Variants in PIGK observed in about 807,000 individuals in gnomAD.
The protein encoded by PIGK is phosphatidylinositol glycan anchor biosynthesis class K, also known as GPI-anchor transamidase.
A neutral mutation model predicts 50.6 loss-of-function variants in PIGK; 42 were observed. That is an observed-to-expected ratio of 0.83 (90% CI 0.65 to 1.07). The LOEUF (loss-of-function observed/expected upper bound fraction) is 1.07, where lower values mean the gene tolerates loss of function less well. Among genes scored for constraint, PIGK ranks in the 50% least tolerant of loss-of-function variants. PIGK has a pLI of 0.00. For missense variants in PIGK, 448 were observed against 488.7 expected, an observed-to-expected ratio of 0.92 and a Z score of 0.78; for synonymous variants, 151 against 156.0, an observed-to-expected ratio of 0.97 and a Z score of 0.24.
intron 3 of PIGK, among the ~76,000 whole-genome samples, chr1:77,179,927 C>T (rs1655573861): frequency 6.6e-6 from 1 of 151,922 alleles, no homozygotes; most frequent in African/African-American, 2.4e-5. Context: ...CATTTGATAA[C>T]TCAAAGTGTC....
Position 77,091,298 on chromosome 1 carries a change from AGCTCTT to A in PIGK, c.*1070_*1075del, listed in dbSNP as rs1341147828. Reference sequence around the variant, plus strand: ...CTAAAATGTCAGTGATGGGGATATGAGCTCTTGCATCTTACCAGAGACTAGAAAAGG... The same window carrying A: ...CTAAAATGTCAGTGATGGGGATATGAGCATCTTACCAGAGACTAGAAAAGG... On this transcript the variant is annotated 3_prime_UTR_variant, in exon 11 of 11. Coordinates refer to ENST00000370812, the MANE Select transcript of PIGK (RefSeq NM_005482.3). 6.6e-6 allele frequency: 1 copy of A among 152,180 alleles called. No homozygotes were observed. The highest frequency in any genetic ancestry group is 1.5e-5 in the Non-Finnish European group (1 of 68,012). 9.4% of individuals were successfully genotyped at this position (152,180 alleles called of 1,614,324 possible). A position where few individuals can be genotyped will look rare whatever the true frequency, so the allele number is the denominator to read the frequency against.
At chr1:77,136,658 T>G (rs1348187164) in intron 9 of PIGK, among the ~76,000 whole-genome samples, 1 of 152,232 alleles carries the variant, frequency 6.6e-6, no homozygotes, top group African/African-American at 2.4e-5. Context: ...TTCTAAAATG[T>G]TCACATGAAG....
chr1:77,154,716 A>T (rs1436257921), intron 8 of PIGK, 95 bp from the exon 9 acceptor site: 3 of 797,362 alleles, frequency 3.8e-6, no homozygotes, highest in Non-Finnish European at 6.0e-6. Context: ...GTGTATTTTT[A>T]AAACTCTCCC....
At chr1:77,183,922 T>C (rs973093421) in intron 3 of PIGK, among the ~76,000 whole-genome samples, 3 of 152,100 alleles carry the variant, frequency 2.0e-5, no homozygotes, top group Non-Finnish European at 2.9e-5. Context: ...GATATATCCT[T>C]GACCAATGCC....
At chr1:77,171,141 A>G (rs573264402) in intron 3 of PIGK, among the ~76,000 whole-genome samples, 1 of 152,300 alleles carries the variant, frequency 6.6e-6, no homozygotes, top group South Asian at 2.1e-4. Context: ...GGCAATATAA[A>G]AATGAATATT....
chr1:77,101,167 T>G (rs534940892), intron 10 of PIGK, among the ~76,000 whole-genome samples: 33 of 152,162 alleles, frequency 2.2e-4, no homozygotes, highest in Non-Finnish European at 4.4e-4. Flanking sequence ...CTAAAAAAAA[T>G]GCAAGGAATC....
intron 3 of PIGK, 45 bp from the exon 4 acceptor site, chr1:77,169,440 A>G (rs764502219): frequency 2.2e-5 from 33 of 1,471,478 alleles, no homozygotes; most frequent in Non-Finnish European, 3.0e-5. Flanking sequence ...GATAAAAGGA[A>G]AAAGTTAAAC....
intron 9 of PIGK, among the ~76,000 whole-genome samples, chr1:77,145,004 T>C (rs6668949): frequency 6.6e-6 from 1 of 151,672 alleles, no homozygotes; most frequent in Admixed American, 6.6e-5. Context: ...TAGAAAAGTA[T>C]AGGAGAAATC....
At chr1:77,111,993 T>A (rs1653858598) in intron 10 of PIGK, among the ~76,000 whole-genome samples, 1 of 152,046 alleles carries the variant, frequency 6.6e-6, no homozygotes, top group Non-Finnish European at 1.5e-5. Context: ...GCTAAATATA[T>A]ATGAATGTAG....
intron 3 of PIGK, among the ~76,000 whole-genome samples, chr1:77,201,398 A>G (rs1403459176): frequency 1.3e-5 from 2 of 152,238 alleles, no homozygotes; most frequent in African/African-American, 4.8e-5. Context: ...AAATAAATCA[A>G]TTGAAGTGCC....
At chr1:77,146,030 G>A (rs1654759448) in intron 9 of PIGK, among the ~76,000 whole-genome samples, 1 of 151,986 alleles carries the variant, frequency 6.6e-6, no homozygotes, top group Admixed American at 6.5e-5. Context: ...TTAATACCAT[G>A]ATAAACCCAC....
intron 3 of PIGK, among the ~76,000 whole-genome samples, chr1:77,182,505 AATCT>A (rs59731037): frequency 1.3e-5 from 2 of 150,218 alleles, no homozygotes; most frequent in African/African-American, 4.9e-5. Flanking sequence ...ACCCAGGATC[AATCT>A]ATCTATCTAT....
intron 3 of PIGK, among the ~76,000 whole-genome samples, chr1:77,199,109 G>T (rs1656099465): frequency 2.0e-5 from 3 of 152,010 alleles, no homozygotes; most frequent in Admixed American, 2.0e-4. Flanking sequence ...GGTCTTGTTA[G>T]ACTTGCAAAT....
chr1:77,172,617 T>C (rs1655391168), intron 3 of PIGK, among the ~76,000 whole-genome samples: 1 of 152,066 alleles, frequency 6.6e-6, no homozygotes, highest in Admixed American at 6.6e-5. Flanking sequence ...GGCTATAAAA[T>C]TTGGCTTTTA....
At chr1:77,129,148 C>A in intron 9 of PIGK, 5 of 1,533,924 alleles carry the variant, frequency 3.3e-6, no homozygotes, top group Non-Finnish European at 4.5e-6. Context: ...GAGAACCCCA[C>A]GAAATCATGC....
rs780891025 is a variant in PIGK at position 77,166,821 on chromosome 1, CCA to C, written c.383_384del (p.Val128GlyfsTer14). 2 of 1,518,408 alleles carry C rather than the reference CCA, an allele frequency of 1.3e-6. No homozygotes were observed. The highest frequency in any genetic ancestry group is 1.8e-6 in the Non-Finnish European group (2 of 1,101,392). 94.1% of individuals were successfully genotyped at this position (1,518,408 alleles called of 1,614,324 possible). On this transcript the variant is annotated frameshift_variant, in exon 5 of 11. Transcript: ENST00000370812. LOFTEE classifies it high-confidence loss of function. ...EVDYRSYEVT[V>X]ENFLRVLTGR... is the part of the protein sequence containing the mutation. ...CCAGTTAATACCCGTAAAAAATTCT[CCA>C]CAGTTACCTAAGGGGGAAAAAACAA...
chr1:77,126,843 C>T (rs572174747), intron 9 of PIGK, among the ~76,000 whole-genome samples: 21 of 152,138 alleles, frequency 1.4e-4, no homozygotes, highest in Non-Finnish European at 1.8e-4. Flanking sequence ...TTCTTAAAGT[C>T]ATCCAAGTGT....
chr1:77,204,861 A>C (rs1178897100), intron 3 of PIGK, among the ~76,000 whole-genome samples: 1 of 152,188 alleles, frequency 6.6e-6, no homozygotes. Flanking sequence ...TTATTTACCC[A>C]ATACTAGCTG....
chr1:77,166,635 C>T (rs1361932256), intron 5 of PIGK, 84 bp downstream of exon 5: 24 of 640,120 alleles, frequency 3.7e-5, no homozygotes, highest in Non-Finnish European at 5.7e-5. Flanking sequence ...AATCATTTCA[C>T]GTGTTTAAAT....
Sources: allele counts gnomAD v4.1 joint callset (sites outside exome capture counted in the v4.1 genomes callset), GRCh38; gene constraint gnomAD v4.1.1; transcripts MANE v1.5; gene names NCBI Gene and HGNC (gene_info 2026-07-23, HGNC 2026-07-21).